The following GPC6 variants were observed in gnomAD, a reference collection of about 807,000 sequenced individuals.
GPC6 encodes the protein glypican-6.
GPC6 carries 14 observed loss-of-function variants against 55.2 expected under a neutral mutation model. That is an observed-to-expected ratio of 0.25 (90% confidence interval 0.17 to 0.40). GPC6 has a LOEUF of 0.40. Among genes scored for constraint, GPC6 ranks in the 10% least tolerant of loss-of-function variants. GPC6 has a pLI of 1.00. For missense variants in GPC6, 641 were observed against 708.5 expected (o/e 0.90, Z 1.08); for synonymous variants, 278 against 259.6 (o/e 1.07, Z -0.68).
intron 1 of GPC6, among the ~76,000 whole-genome samples, chr13:93,413,371 A>G (rs143412664): frequency 6.6e-6 from 1 of 152,262 alleles, no homozygotes; most frequent in Non-Finnish European, 1.5e-5. Context: ...ATGACTGTGT[A>G]TAACCCTCTG....
At chr13:93,464,855 A>C (rs185174390) in intron 1 of GPC6, among the ~76,000 whole-genome samples, 55 of 152,300 alleles carry the variant, frequency 3.6e-4, no homozygotes, top group African/African-American at 1.2e-3. Context: ...AGCCTTATGA[A>C]ATGTATTTCT....
intron 1 of GPC6, among the ~76,000 whole-genome samples, chr13:93,256,565 A>G (rs73540335): frequency 0.021 from 3,243 of 152,274 alleles, 117 homozygotes; most frequent in African/African-American, 0.074. Flanking sequence ...CCTGGCTCAG[A>G]TAAGAAATTT....
At chr13:93,310,787 A>G (rs1239366046) in intron 1 of GPC6, among the ~76,000 whole-genome samples, 1 of 152,204 alleles carries the variant, frequency 6.6e-6, no homozygotes, top group Non-Finnish European at 1.5e-5. Context: ...GTAACTAATC[A>G]TAATATGATG....
intron 4 of GPC6, among the ~76,000 whole-genome samples, chr13:94,192,259 A>G: frequency 6.6e-6 from 1 of 152,216 alleles, no homozygotes; most frequent in East Asian, 1.9e-4. Context: ...TGCAGCAAAT[A>G]ACAGAACAAT....
intron 1 of GPC6, among the ~76,000 whole-genome samples, chr13:93,429,324 TC>T (rs1375330657): frequency 6.6e-6 from 1 of 152,124 alleles, no homozygotes; most frequent in Admixed American, 6.6e-5. Context: ...GTCTACTCCA[TC>T]AATTTCATCA....
intron 1 of GPC6, among the ~76,000 whole-genome samples, chr13:93,329,295 G>A (rs934436265): frequency 1.3e-5 from 2 of 152,030 alleles, no homozygotes; most frequent in Non-Finnish European, 2.9e-5. Flanking sequence ...ATAATTTATG[G>A]CATTTAGGCA....
chr13:93,218,114 C>CTT, the GPC6 span, among the ~76,000 whole-genome samples: 130,733 of 145,226 alleles, frequency 0.9, 59,041 homozygotes, highest in East Asian at 0.98. Flanking sequence ...CTAGCTCAGA[C>CTT]TTTTTTTTTT....
intron 1 of GPC6, among the ~76,000 whole-genome samples, chr13:93,252,065 G>T (rs1876803582): frequency 6.6e-6 from 1 of 152,114 alleles, no homozygotes; most frequent in African/African-American, 2.4e-5. Context: ...ACTTGAATGT[G>T]CACCAGAATC....
chr13:93,980,989 A>G (rs1033941511), intron 3 of GPC6, among the ~76,000 whole-genome samples: 1 of 152,198 alleles, frequency 6.6e-6, no homozygotes, highest in African/African-American at 2.4e-5. Context: ...GTGTATGCCA[A>G]CTGAAGACAT....
intron 1 of GPC6, among the ~76,000 whole-genome samples, chr13:93,295,628 C>A (rs956233572): frequency 6.6e-6 from 1 of 151,878 alleles, no homozygotes; most frequent in Non-Finnish European, 1.5e-5. Context: ...CTATAGGCGC[C>A]TGCTACTGCG....
intron 6 of GPC6, among the ~76,000 whole-genome samples, chr13:94,348,367 A>G (rs1878385908): frequency 6.6e-6 from 1 of 152,196 alleles, no homozygotes; most frequent in Admixed American, 6.5e-5. Context: ...ACTTCTCCAA[A>G]GTCAGAGTTT....
At chr13:93,770,938 A>G (rs981429112) in intron 2 of GPC6, among the ~76,000 whole-genome samples, 1 of 152,022 alleles carries the variant, frequency 6.6e-6, no homozygotes, top group Non-Finnish European at 1.5e-5. Context: ...ATGAAATCAT[A>G]AAACGTAACG....
intron 1 of GPC6, among the ~76,000 whole-genome samples, chr13:93,508,681 G>A (rs1880826448): frequency 6.6e-6 from 1 of 152,218 alleles, no homozygotes; most frequent in Admixed American, 6.5e-5. Context: ...CAGACGGATG[G>A]TGAATTCATT....
intron 7 of GPC6, among the ~76,000 whole-genome samples, chr13:94,392,703 G>A (rs867715542): frequency 9.0e-6 from 1 of 110,618 alleles, no homozygotes; most frequent in Admixed American, 9.8e-5. Flanking sequence ...TCGAACTCTC[G>A]ACCTCAGGTG....
intron 1 of GPC6, among the ~76,000 whole-genome samples, chr13:93,387,228 T>C (rs943367196): frequency 6.6e-6 from 1 of 152,020 alleles, no homozygotes; most frequent in African/African-American, 2.4e-5. Context: ...TACATAGGTA[T>C]ACATGTGCCA....
At chr13:93,643,856 C>A (rs1369188071) in intron 2 of GPC6, among the ~76,000 whole-genome samples, 3 of 152,088 alleles carry the variant, frequency 2.0e-5, no homozygotes, top group African/African-American at 7.2e-5. Context: ...AGCCAGCCTT[C>A]TCCTTCTTCA....
At chr13:93,424,520 C>T (rs1259487776) in intron 1 of GPC6, among the ~76,000 whole-genome samples, 2 of 152,120 alleles carry the variant, frequency 1.3e-5, no homozygotes, top group Non-Finnish European at 2.9e-5. Flanking sequence ...CGCAGTGCAA[C>T]ATGGAGGAGT....
At chr13:94,288,575 C>A (rs1405213220) in intron 5 of GPC6, among the ~76,000 whole-genome samples, 1 of 89,088 alleles carries the variant, frequency 1.1e-5, no homozygotes, top group Non-Finnish European at 2.1e-5. Context: ...ACTTGTTCAG[C>A]AACATGGTCT....
At chr13:93,900,698 T>C (rs1291984091) in intron 3 of GPC6, among the ~76,000 whole-genome samples, 1 of 152,170 alleles carries the variant, frequency 6.6e-6, no homozygotes, top group East Asian at 1.9e-4. Flanking sequence ...ACAGAAGGTT[T>C]CTTTACATAG....
Sources: allele counts gnomAD v4.1 joint callset (sites outside exome capture counted in the v4.1 genomes callset), GRCh38; gene constraint gnomAD v4.1.1; transcripts MANE v1.5; gene names NCBI Gene and HGNC (gene_info 2026-07-23, HGNC 2026-07-21).